The following MS4A6E variants were observed in gnomAD, a reference collection of about 807,000 sequenced individuals.
MS4A6E encodes the protein membrane-spanning 4-domains subfamily A member 6E.
Under a neutral mutation model 13.2 loss-of-function variants are expected in MS4A6E, and 8 were observed. That is an observed-to-expected ratio of 0.60 (90% confidence interval 0.35 to 1.09). The LOEUF (loss-of-function observed/expected upper bound fraction) is 1.09. Ranked by LOEUF, MS4A6E falls within the 50% of genes least tolerant of loss-of-function variation. The probability of loss-of-function intolerance (pLI) is 0.02; values close to 1 mark genes in which losing one functional copy is unlikely to be tolerated. For synonymous variants in MS4A6E, 72 were observed against 67.6 expected (o/e 1.06, Z -0.32); for missense variants, 177 against 171.1 (o/e 1.03, Z -0.19).
chr11:60,337,857 C>A lies in MS4A6E; in HGVS notation c.264C>A (p.Asp88Glu), dbSNP rs150096314. Residue 88 changes from aspartate to glutamate, a missense_variant, in exon 3 of 5, where the codon GAC becomes GAA. Physicochemically the swap from Asp to Glu is conservative, Grantham distance 45 (BLOSUM62 2). Transcript: ENST00000684409. ...CTGCCTCATTGCAGTGTAAGTTGGA[C>A]GAAAAGGATATACCAACCAGACTTC... is the stretch of plus-strand genomic sequence containing the variant. ...LNPASLQCKL[D>E]EKDIPTRLLL... 8.1e-6 allele frequency: 13 copies of A among 1,613,972 alleles called. No individual in the cohort carries two copies. Among genetic ancestry groups the A allele is most frequent in the African/African-American group, 1.3e-5 (1 of 74,888 alleles).
chr11:60,345,136 G>A (rs773084859), downstream of MS4A6E, among the ~76,000 whole-genome samples: 23 of 151,964 alleles, frequency 1.5e-4, no homozygotes, highest in Admixed American at 2.6e-4. Context: ...GGGTTTCACC[G>A]TGTTAGCCAG....
chr11:60,345,293 G>C (rs1269249220), downstream of MS4A6E, among the ~76,000 whole-genome samples: 1 of 152,140 alleles, frequency 6.6e-6, no homozygotes, highest in African/African-American at 2.4e-5. Flanking sequence ...CTTCCAAATG[G>C]CACCATGAGC....
chr11:60,330,646 G>A (rs778192037), intron 1 of MS4A6E, among the ~76,000 whole-genome samples: 1 of 152,026 alleles, frequency 6.6e-6, no homozygotes, highest in Non-Finnish European at 1.5e-5. Context: ...GCCAATTTTG[G>A]CTTTTGTTGC....
chr11:60,341,531 A>G (rs2085225758), downstream of MS4A6E, among the ~76,000 whole-genome samples: 1 of 152,206 alleles, frequency 6.6e-6, no homozygotes, highest in Admixed American at 6.5e-5. Flanking sequence ...TCCTTATTTC[A>G]AAATAAAAAA....
intron 2 of MS4A6E, among the ~76,000 whole-genome samples, chr11:60,337,030 T>C (rs542453258): frequency 5.3e-5 from 8 of 152,298 alleles, no homozygotes; most frequent in African/African-American, 1.9e-4. Context: ...GCCTTTATTC[T>C]GTACCTCCCG....
At chr11:60,345,223 C>T (rs546035148), downstream of MS4A6E, among the ~76,000 whole-genome samples, 4 of 152,292 alleles carry the variant, frequency 2.6e-5, no homozygotes, top group East Asian at 3.9e-4. Context: ...CTTGAGCCAC[C>T]GCGCCCTGCC....
chr11:60,337,827 A>C lies in MS4A6E; in HGVS notation c.234A>C (p.Leu78Phe). 1 of 1,614,182 alleles carries C rather than the reference A, an allele frequency of 6.2e-7. No homozygotes were observed. Among genetic ancestry groups the C allele is most frequent in the Non-Finnish European group, 8.5e-7 (1 of 1,180,046 alleles). ...FILLSVNPAA[L>F]NPASLQCKLD... is the part of the protein sequence containing the mutation. ...TCCTGTCTGTCAACCCGGCTGCATT[A>C]AATCCTGCCTCATTGCAGTGTAAGT... is the stretch of plus-strand genomic sequence containing the variant. Residue 78 changes from leucine to phenylalanine, a missense_variant, in exon 3 of 5, where the codon TTA (leucine) becomes TTC (phenylalanine). Transcript: ENST00000684409.
Position 60,327,387 on chromosome 11 carries a change from T to A in MS4A6E, c.-36T>A, listed in dbSNP as rs530050949. On this transcript the variant is annotated 5_prime_UTR_variant, in exon 1 of 5. Coordinates refer to ENST00000684409, the MANE Select transcript of MS4A6E (RefSeq NM_139249.4). ...TGCTGAACCTGTGGCACCTTGATCG[T>A]GGACTTCTCAGTTCCAAAACTGTGA... 3.3e-5 allele frequency among the ~76,000 whole-genome samples: 5 copies of A among 152,330 alleles called. No homozygotes were observed. Among genetic ancestry groups the A allele is most frequent in the Admixed American group, 3.3e-4 (5 of 15,308 alleles).
chr11:60,342,817 G>A (rs543268334), downstream of MS4A6E, among the ~76,000 whole-genome samples: 15 of 152,250 alleles, frequency 9.9e-5, no homozygotes, highest in Non-Finnish European at 1.6e-4. Flanking sequence ...GATTTTTCAG[G>A]CTTCTTTTGC....
downstream of MS4A6E, among the ~76,000 whole-genome samples, chr11:60,343,186 T>G (rs2085238996): frequency 1.3e-5 from 2 of 152,304 alleles, no homozygotes; most frequent in South Asian, 4.1e-4. Context: ...GGTTTGAATA[T>G]GAGTATTAAG....
downstream of MS4A6E, among the ~76,000 whole-genome samples, chr11:60,342,176 TGTGA>T (rs762693718): frequency 0.076 from 2,862 of 37,618 alleles, 37 homozygotes; most frequent in South Asian, 0.13. Context: ...TGTGTGTGTG[TGTGA>T]GAGAGAGAGA....
chr11:60,335,369 C>T (rs566796178), intron 2 of MS4A6E, among the ~76,000 whole-genome samples: 1 of 152,176 alleles, frequency 6.6e-6, no homozygotes, highest in South Asian at 2.1e-4. Flanking sequence ...TTCTGTATTT[C>T]ACAACTGCAT....
chr11:60,346,628 G>A (rs1032829259), intron 4 of MS4A6E, among the ~76,000 whole-genome samples: 1 of 152,180 alleles, frequency 6.6e-6, no homozygotes, highest in Non-Finnish European at 1.5e-5. Context: ...TTTGGCCCTA[G>A]TTCTTTGTAG....
chr11:60,339,823 G>A lies in MS4A6E; in HGVS notation c.355-43G>A, dbSNP rs202148290. The A allele has an allele frequency of 5.2e-4, 824 of 1,572,172 alleles. 2 individuals carry two copies. Among genetic ancestry groups the A allele is most frequent in the Middle Eastern group, 2.0e-3 (12 of 5,978 alleles). On this transcript the variant is annotated intron_variant, in intron 3 of 4. Coordinates refer to ENST00000684409, the MANE Select transcript of MS4A6E (RefSeq NM_139249.4). The stretch of plus-strand genomic sequence containing the variant: ...CCTCTAAACTAGGCATGAAAGCTTC[G>A]GCTGACCCAAGCATCACTGATATTT...
downstream of MS4A6E, among the ~76,000 whole-genome samples, chr11:60,342,190 AG>A (rs1458847739): frequency 1.3e-5 from 1 of 78,486 alleles, no homozygotes; most frequent in Non-Finnish European, 2.4e-5. Flanking sequence ...AGAGAGAGAG[AG>A]AGAGAGAGAG....
chr11:60,345,516 A>G (rs192694092), downstream of MS4A6E, among the ~76,000 whole-genome samples: 94 of 152,058 alleles, frequency 6.2e-4, no homozygotes, highest in African/African-American at 1.9e-3. Flanking sequence ...TCTAGTCTGG[A>G]TTTTCTAGGA....
intron 1 of MS4A6E, among the ~76,000 whole-genome samples, chr11:60,333,296 T>C (rs1240926795): frequency 6.6e-6 from 1 of 152,202 alleles, no homozygotes; most frequent in African/African-American, 2.4e-5. Context: ...TTTCTTAAGA[T>C]AATATATGCA....
At chr11:60,332,069 A>T (rs1470756448) in intron 1 of MS4A6E, among the ~76,000 whole-genome samples, 1 of 152,252 alleles carries the variant, frequency 6.6e-6, no homozygotes, top group Admixed American at 6.5e-5. Flanking sequence ...AGACAAAGAC[A>T]GGTGGTATTC....
At chr11:60,343,992 G>A (rs750482144), downstream of MS4A6E, among the ~76,000 whole-genome samples, 12 of 152,162 alleles carry the variant, frequency 7.9e-5, no homozygotes, top group Non-Finnish European at 1.6e-4. Flanking sequence ...AATCTCCTGG[G>A]TTAAATAAAG....
Sources: allele counts gnomAD v4.1 joint callset (sites outside exome capture counted in the v4.1 genomes callset), GRCh38; gene constraint gnomAD v4.1.1; transcripts MANE v1.5; gene names NCBI Gene and HGNC (gene_info 2026-07-23, HGNC 2026-07-21).